The following GLRA1 variants were observed in gnomAD, a reference collection of about 807,000 sequenced individuals.
GLRA1 encodes glycine receptor alpha 1.
GLRA1 carries 37 observed loss-of-function variants against 48.3 expected under a neutral mutation model. The ratio of observed to expected loss-of-function variants is 0.77; its 90% CI spans 0.59 to 1.01. The LOEUF is 1.01. Ranked by LOEUF, GLRA1 falls within the 50% of genes least tolerant of loss-of-function variation. GLRA1 has a pLI of 0.00. For missense variants in GLRA1, 427 were observed against 571.0 expected (o/e 0.75, Z 2.57); for synonymous variants, 196 against 210.7 (o/e 0.93, Z 0.60).
At position 151,859,975 on chromosome 5, in the gene GLRA1, A is replaced by G. The variant is rs2113359417; in HGVS notation, c.286T>C (p.Trp96Arg). Residue 96 changes from tryptophan to arginine, a missense_variant, in exon 4 of 9, where the codon TGG becomes CGG. By Grantham distance (101) the Trp-to-Arg change is moderately radical. Coordinates refer to ENST00000274576, the MANE Select transcript of GLRA1 (RefSeq NM_000171.4). Reference protein sequence around the residue: ...YRVNIFLRQQWNDPRLAYNEY... With the variant: ...YRVNIFLRQQRNDPRLAYNEY... The stretch of plus-strand genomic sequence containing the variant: ...TTATAGGCCAGGCGGGGGTCGTTCC[A>G]TTGCTGCCGCAGGAAGATGTTGACC... The G allele has an allele frequency of 6.2e-7, 1 of 1,614,058 alleles. No homozygotes were observed. Among genetic ancestry groups the G allele is most frequent in the Non-Finnish European group, 8.5e-7 (1 of 1,179,950 alleles).
At chr5:151,917,805 T>C (rs1754775566) in intron 1 of GLRA1, among the ~76,000 whole-genome samples, 1 of 152,130 alleles carries the variant, frequency 6.6e-6, no homozygotes, top group African/African-American at 2.4e-5. Context: ...TGCAATTCTC[T>C]GGGGGTGAAC....
intron 1 of GLRA1, among the ~76,000 whole-genome samples, chr5:151,921,829 T>G (rs957525650): frequency 6.6e-6 from 1 of 152,160 alleles, no homozygotes; most frequent in Non-Finnish European, 1.5e-5. Context: ...GAACCATAGG[T>G]TTTTAAAATA....
intron 3 of GLRA1, among the ~76,000 whole-genome samples, chr5:151,865,845 G>A (rs1241111027): frequency 1.3e-5 from 2 of 152,142 alleles, no homozygotes; most frequent in East Asian, 1.9e-4. Flanking sequence ...CCTAGCAGCC[G>A]CTACCCAAAC....
intron 7 of GLRA1, among the ~76,000 whole-genome samples, chr5:151,835,529 A>T (rs2113303918): frequency 6.6e-6 from 1 of 152,320 alleles, no homozygotes; most frequent in African/African-American, 2.4e-5. Flanking sequence ...TCAGACCAAT[A>T]TCCTTGATGA....
In GLRA1 at chr5:151,870,970, C is replaced by T. The variant is rs536435052; in HGVS notation, c.253-10962G>A. On this transcript the variant is annotated intron_variant, in intron 3 of 8. Coordinates refer to ENST00000274576, the MANE Select transcript of GLRA1 (RefSeq NM_000171.4). ...CCACTTCAGTCATTCGTGGGTTTGACGGTCATGAGTCAGCCTTCTGGAATT... is the reference window on the plus strand; with the variant it reads ...CCACTTCAGTCATTCGTGGGTTTGATGGTCATGAGTCAGCCTTCTGGAATT... 4.3e-4 allele frequency among the ~76,000 whole-genome samples: 65 copies of T among 149,886 alleles called. 9 individuals are homozygous for T. The highest frequency in any genetic ancestry group is 1.5e-3 in the African/African-American group (59 of 39,260).
At chr5:151,837,748 G>A (rs971058136) in intron 7 of GLRA1, among the ~76,000 whole-genome samples, 1 of 152,090 alleles carries the variant, frequency 6.6e-6, no homozygotes, top group African/African-American at 2.4e-5. Flanking sequence ...CTCATAAATG[G>A]GAGTTCAACA....
rs1753030050 is a variant in GLRA1, at chr5:151,855,937, C to T, written c.559+364G>A. Among the ~76,000 whole-genome samples the T allele has an allele frequency of 2.6e-5, 4 of 152,318 alleles. No individual in the cohort carries two copies. The South Asian group carries it at 8.3e-4, about 32-fold the overall frequency. ...CTAACAACACACCAATCACTTGCCG[C>T]CCTTTAGTAGAGTTATTTGTGCAGT... On this transcript the variant is annotated intron_variant, in intron 5 of 8. Transcript: ENST00000274576.
intron 3 of GLRA1, among the ~76,000 whole-genome samples, chr5:151,872,018 A>G (rs753208167): frequency 3.3e-5 from 5 of 149,950 alleles, no homozygotes; most frequent in Non-Finnish European, 5.9e-5. Context: ...AAATTAAAGC[A>G]GTGTGATATT....
chr5:151,855,288 C>A lies in GLRA1; in HGVS notation c.560-111G>T, dbSNP rs940043503. 3.5e-5 allele frequency: 37 copies of A among 1,050,600 alleles called. No homozygotes were observed. The African/African-American group carries it at 5.3e-4, about 15-fold the overall frequency. 65.1% of individuals were successfully genotyped at this position (1,050,600 alleles called of 1,614,324 possible). ...GAGAGACATCAGACACTTGATGGAA[C>A]TTGTGAGACCAGGTTCCTTTTTTTT... On this transcript the variant is annotated intron_variant, in intron 5 of 8. Transcript: ENST00000274576.
At chr5:151,920,939 G>A (rs1360197158) in intron 1 of GLRA1, among the ~76,000 whole-genome samples, 5 of 152,160 alleles carry the variant, frequency 3.3e-5, no homozygotes, top group African/African-American at 9.7e-5. Flanking sequence ...CCTTTCAACT[G>A]GGTAGGTTTT....
At chr5:151,877,333 T>A (rs1753650493) in intron 3 of GLRA1, among the ~76,000 whole-genome samples, 1 of 152,162 alleles carries the variant, frequency 6.6e-6, no homozygotes, top group South Asian at 2.1e-4. Context: ...GATGTTGAGA[T>A]TTTGGGGATT....
At chr5:151,859,276 T>C (rs1245768586) in intron 4 of GLRA1, among the ~76,000 whole-genome samples, 1 of 152,142 alleles carries the variant, frequency 6.6e-6, no homozygotes, top group Non-Finnish European at 1.5e-5. Context: ...CCCTAGCCAA[T>C]ATCTCAAGGA....
chr5:151,914,372 G>T (rs753803196), intron 1 of GLRA1, among the ~76,000 whole-genome samples: 2 of 152,162 alleles, frequency 1.3e-5, no homozygotes, highest in African/African-American at 2.4e-5. Context: ...GATGTTAAGA[G>T]AAACCTGCTT....
At chr5:151,896,581 A>G (rs897792863) in intron 1 of GLRA1, among the ~76,000 whole-genome samples, 1 of 152,162 alleles carries the variant, frequency 6.6e-6, no homozygotes, top group South Asian at 2.1e-4. Context: ...CTACCCGGTA[A>G]TCCTCTGTTT....
In GLRA1 at chr5:151,849,099, TTTTCTTTTCTTTCTTTC is replaced by T. The variant is rs762324401; in HGVS notation, c.912+2274_912+2290del. On this transcript the variant is annotated intron_variant, in intron 7 of 8. Coordinates refer to ENST00000274576, the MANE Select transcript of GLRA1 (RefSeq NM_000171.4). ...CTTTCTTTTCTTTCCTTTTTATTTC[TTTTCTTTTCTTTCTTTC>T]TTTCTTTCTTTCTTTCTTTCTTTCT... The T allele has an allele frequency of 2.4e-3, 559 of 236,048 alleles. 38 individuals are homozygous for T. The highest frequency in any genetic ancestry group is 5.8e-3 in the Middle Eastern group (5 of 858). 14.6% of individuals were successfully genotyped at this position (236,048 alleles called of 1,614,324 possible). A position where few individuals can be genotyped will look rare whatever the true frequency, so the allele number is the denominator to read the frequency against.
chr5:151,891,866 C>G (rs1754084175), intron 2 of GLRA1, among the ~76,000 whole-genome samples: 1 of 152,082 alleles, frequency 6.6e-6, no homozygotes, highest in South Asian at 2.1e-4. Flanking sequence ...CTGCTGGAAG[C>G]CTGAAAGCTC....
intron 1 of GLRA1, among the ~76,000 whole-genome samples, chr5:151,905,140 C>T (rs569893564): frequency 2.6e-5 from 4 of 152,178 alleles, no homozygotes; most frequent in African/African-American, 7.2e-5. Flanking sequence ...GCCCTCAGAC[C>T]AGATTCTTTC....
chr5:151,911,769 C>G (rs1182360669), intron 1 of GLRA1, among the ~76,000 whole-genome samples: 1 of 151,924 alleles, frequency 6.6e-6, no homozygotes, highest in African/African-American at 2.4e-5. Flanking sequence ...CCGCACCTGG[C>G]TAATTTTTTT....
intron 3 of GLRA1, among the ~76,000 whole-genome samples, chr5:151,861,265 T>A (rs1367433706): frequency 6.6e-6 from 1 of 152,218 alleles, no homozygotes; most frequent in African/African-American, 2.4e-5. Context: ...CTGGGTCAAA[T>A]GGTATTTCTA....
Sources: allele counts gnomAD v4.1 joint callset (sites outside exome capture counted in the v4.1 genomes callset), GRCh38; gene constraint gnomAD v4.1.1; transcripts MANE v1.5; gene names NCBI Gene and HGNC (gene_info 2026-07-23, HGNC 2026-07-21).